Variants in CDK10 observed in about 807,000 individuals in gnomAD.
CDK10 encodes cyclin dependent kinase 10.
CDK10 carries 55 observed loss-of-function variants against 51.0 expected under a neutral mutation model. The observed-to-expected ratio is 1.08, with a 90% CI of 0.87 to 1.35. The LOEUF is 1.35. Ranked by LOEUF, CDK10 falls within the 40% of genes most tolerant of loss-of-function variation. The probability of loss-of-function intolerance (pLI) is 0.00; values close to 1 mark genes in which losing one functional copy is unlikely to be tolerated. For synonymous variants in CDK10, 255 were observed against 199.1 expected, an observed-to-expected ratio of 1.28 and a Z score of -2.36; for missense variants, 589 against 485.1, an observed-to-expected ratio of 1.21 and a Z score of -2.01.
intron 12 of CDK10, 82 bp from the exon 13 acceptor site, chr16:89,695,513 A>T: frequency 6.6e-7 from 1 of 1,512,482 alleles, no homozygotes; most frequent in Non-Finnish European, 9.0e-7. Context: ...CCAGGTCCAG[A>T]GGCAGAGCTG....
intron 7 of CDK10, 34 bp downstream of exon 7, chr16:89,693,360 A>T: frequency 6.2e-7 from 1 of 1,614,026 alleles, no homozygotes; most frequent in South Asian, 1.1e-5. Context: ...CTGTCCCTAG[A>T]TGGCACTTGG....
Position 89,695,788 on chromosome 16 carries a change from G to A in CDK10, c.*96G>A. ...CGAGCCAGGCTGACCAGGCGCCCGGGATCCAGCTCATCCCCTTGGCTGGGA... is the reference window on the plus strand; with the variant it reads ...CGAGCCAGGCTGACCAGGCGCCCGGAATCCAGCTCATCCCCTTGGCTGGGA... On this transcript the variant is annotated 3_prime_UTR_variant, in exon 13 of 13. Coordinates refer to ENST00000353379, the MANE Select transcript of CDK10 (RefSeq NM_052988.5). 6.4e-7 allele frequency: 1 copy of A among 1,573,324 alleles called. No homozygotes were observed.
rs1333597340 is a variant in CDK10 at position 89,691,829 on chromosome 16, G to A, written c.359G>A (p.Cys120Tyr). The change falls in exon 5 of 13, where the codon TGT (cysteine) becomes TAT (tyrosine). Residue 120 changes from cysteine (C) to tyrosine (Y), a missense_variant. Physicochemically the swap from Cys to Tyr is radical, Grantham distance 194. Transcript: ENST00000353379. ...AGCATCTTCCTGGTGATGGGTTACT[G>A]TGAGCAGGACCTGGCCAGCCTCCTG... Reference protein sequence around the residue: ...LESIFLVMGYCEQDLASLLEN... With the variant: ...LESIFLVMGYYEQDLASLLEN... The A allele has an allele frequency of 2.5e-6, 4 of 1,613,992 alleles. No homozygotes were observed. Among genetic ancestry groups the A allele is most frequent in the Non-Finnish European group, 1.7e-6 (2 of 1,179,988 alleles).
intron 11 of CDK10, 105 bp downstream of exon 11, chr16:89,695,175 AGCCGCT>A: frequency 1.3e-6 from 2 of 1,537,136 alleles, no homozygotes; most frequent in East Asian, 4.5e-5. Flanking sequence ...CCCCAGGCAC[AGCCGCT>A]CGGAGTGGCC....
chr16:89,694,360 TC>T (rs1276437326), intron 9 of CDK10, 128 bp downstream of exon 9: 2 of 1,037,724 alleles, frequency 1.9e-6, no homozygotes, highest in East Asian at 2.6e-5. Flanking sequence ...AGCCTCCCAC[TC>T]CCAGGGAGGT....
chr16:89,689,697 G>C (rs1276073534), intron 2 of CDK10: 1 of 220,874 alleles, frequency 4.5e-6, no homozygotes, highest in Non-Finnish European at 9.2e-6. Flanking sequence ...CTTTTTGTTT[G>C]TTTTTGAGAT....
At chr16:89,691,330 T>G (rs1597851267) in intron 3 of CDK10, 113 bp from the exon 4 acceptor site, 2 of 683,396 alleles carry the variant, frequency 2.9e-6, no homozygotes, top group Non-Finnish European at 2.4e-6. Flanking sequence ...CTCCCTGAGG[T>G]GGGGACACTG....
chr16:89,692,518 T>C lies in CDK10; in HGVS notation c.485+2T>C. ...GCACAGGAACTTCATTATCCACAGG[T>C]GGGTGACAGCTAGGCAGAGTTGGAA... On this transcript the variant is annotated splice_donor_variant, in intron 6 of 12. Coordinates refer to ENST00000353379, the MANE Select transcript of CDK10 (RefSeq NM_052988.5). LOFTEE classifies it high-confidence loss of function. The C allele has an allele frequency of 6.3e-7, 1 of 1,584,572 alleles. No individual in the cohort carries two copies. The highest frequency in any genetic ancestry group is 1.1e-5 in the South Asian group (1 of 87,786).
intron 8 of CDK10, 190 bp from the exon 9 acceptor site, chr16:89,693,983 C>G (rs753856538): frequency 7.9e-6 from 5 of 635,370 alleles, no homozygotes; most frequent in African/African-American, 1.8e-5. Context: ...CACCGCTGCA[C>G]GTGACAGCTC....
At chr16:89,693,124 T>C (rs529937380) in intron 6 of CDK10, 150 bp from the exon 7 acceptor site, 83 of 643,600 alleles carry the variant, frequency 1.3e-4, no homozygotes, top group Non-Finnish European at 1.9e-4. Flanking sequence ...GGCGACAGAG[T>C]GAGACTCTGT....
chr16:89,695,214 G>C, intron 11 of CDK10, 79 bp from the exon 12 acceptor site: 3 of 1,545,552 alleles, frequency 1.9e-6, no homozygotes, highest in Non-Finnish European at 2.6e-6. Context: ...TTGAGCATTT[G>C]AATCACAGGC....
rs2060400483 is a variant in CDK10, at chr16:89,690,587, C to T, written c.195C>T (p.Val65=). 12 of 1,613,900 alleles carry T rather than the reference C, an allele frequency of 7.4e-6. No individual in the cohort carries two copies. The highest frequency in any genetic ancestry group is 1.3e-5 in the African/African-American group (1 of 74,872). The change falls in exon 3 of 13, where the codon GTC becomes GTT. Residue 65 remains valine (V), a synonymous_variant. Transcript: ENST00000353379. ...GGGACACCCAGACAGATGAGATTGT[C>T]GCACTGAAGAAGGTGCGGATGGACA... ...RARDTQTDEI[V]ALKKVRMDKE... is the part of the protein sequence containing the mutation.
intron 2 of CDK10, 91 bp downstream of exon 2, chr16:89,689,415 G>C: frequency 1.1e-5 from 12 of 1,096,828 alleles, no homozygotes; most frequent in Non-Finnish European, 1.7e-5. Context: ...GTTGGGGCTG[G>C]AAGGGACTCA....
Position 89,694,183 on chromosome 16 carries a change from C to T in CDK10, c.619C>T (p.Pro207Ser), listed in dbSNP as rs987278514. ...PKVVTLWYRA[P>S]ELLLGTTTQT... ...TGCTTCTGTGTGTAGGTACCGAGCC[C>T]CTGAACTGCTGTTGGGAACCACCAC... The change falls in exon 9 of 13, where the codon CCT (proline) becomes TCT (serine). Residue 207 changes from proline (P) to serine (S), a missense_variant. Coordinates refer to ENST00000353379, the MANE Select transcript of CDK10 (RefSeq NM_052988.5). 2 of 1,613,996 alleles carry T rather than the reference C, an allele frequency of 1.2e-6. No individual in the cohort carries two copies. The highest frequency in any genetic ancestry group is 1.7e-4 in the Middle Eastern group (1 of 6,056).
chr16:89,691,671 C>A, intron 4 of CDK10, 126 bp downstream of exon 4: 1 of 1,201,698 alleles, frequency 8.3e-7, no homozygotes, highest in Admixed American at 1.8e-5. Context: ...GACCCCACCT[C>A]ACCGCCTGGC....
In CDK10 at chr16:89,688,201, C is replaced by T. The variant is rs557383754; in HGVS notation, c.88-1051C>T. Among the ~76,000 whole-genome samples, 7 of 151,754 alleles carry T rather than the reference C, an allele frequency of 4.6e-5. No individual in the cohort carries two copies. The South Asian group carries it at 1.5e-3, about 32-fold the overall frequency. On this transcript the variant is annotated intron_variant, in intron 1 of 12. Transcript: ENST00000353379. ...GGTTCACGCCATCCTCCTGCCTCAG[C>T]CTCCCAAGCAGCTGGGACTACAGGC...
At position 89,686,812 on chromosome 16, in the gene CDK10, A is replaced by T; in HGVS notation, c.87+15A>T. The T allele has an allele frequency of 6.3e-7, 1 of 1,589,934 alleles. No homozygotes were observed. Among genetic ancestry groups the T allele is most frequent in the Non-Finnish European group, 8.6e-7 (1 of 1,166,378 alleles). On this transcript the variant is annotated intron_variant, in intron 1 of 12. Transcript: ENST00000353379. The stretch of plus-strand genomic sequence containing the variant: ...CGGAACACAGGGTGCGCGGGGTGCC[A>T]CCCGGGCAGCTCTGCCCGCCTCGCT...
chr16:89,687,381 T>G (rs2151552103), intron 1 of CDK10: 1 of 436,792 alleles, frequency 2.3e-6, no homozygotes, highest in Non-Finnish European at 4.7e-6. Flanking sequence ...GGCCGCTGGT[T>G]TGTGTTTTTA....
chr16:89,693,182 C>T (rs2060533044), intron 6 of CDK10, 92 bp from the exon 7 acceptor site: 4 of 1,078,586 alleles, frequency 3.7e-6, no homozygotes, highest in Admixed American at 1.9e-5. Flanking sequence ...GCTGAGGAAA[C>T]GTGCAGGAAG....
Sources: gnomAD v4.1 joint callset for allele counts (sites outside exome capture counted in the v4.1 genomes callset) on GRCh38, gnomAD v4.1.1 for gene constraint, MANE v1.5 for transcripts, NCBI Gene and HGNC (gene_info 2026-07-23, HGNC 2026-07-21) for gene names.